ACYP2: variants seen among roughly 807,000 people sequenced by gnomAD.
ACYP2 encodes the protein acylphosphatase-2.
Under a neutral mutation model 11.2 loss-of-function variants are expected in ACYP2, and 12 were observed. That is an observed-to-expected ratio of 1.08 (90% CI 0.69 to 1.74). The LOEUF (loss-of-function observed/expected upper bound fraction) is 1.74, where lower values mean the gene tolerates loss of function less well. Among genes scored for constraint, ACYP2 ranks in the 40% most tolerant of loss-of-function variants. The pLI, the probability that ACYP2 is intolerant of heterozygous loss-of-function variation, is 0.00. For synonymous variants in ACYP2, 43 were observed against 32.2 expected (o/e 1.33, Z -1.13); for missense variants, 134 against 101.9 (o/e 1.31, Z -1.35).
chr2:54,252,965 T>G (rs1481273413), intron 6 of ACYP2, among the ~76,000 whole-genome samples: 1 of 151,838 alleles, frequency 6.6e-6, no homozygotes, highest in Admixed American at 6.6e-5. Flanking sequence ...TCACAAGCAC[T>G]TCCACTCTTT....
At chr2:54,004,837 G>T (rs1672977696) in intron 2 of ACYP2, among the ~76,000 whole-genome samples, 1 of 146,388 alleles carries the variant, frequency 6.8e-6, no homozygotes, top group Admixed American at 6.9e-5. Context: ...AGAGGTTGCA[G>T]TGAGCCGAGA....
intron 6 of ACYP2, among the ~76,000 whole-genome samples, chr2:54,156,722 G>T (rs1682450611): frequency 6.6e-6 from 1 of 152,150 alleles, no homozygotes; most frequent in Non-Finnish European, 1.5e-5. Context: ...CTGTAGTGCA[G>T]GGGTATGATC....
intron 4 of ACYP2, among the ~76,000 whole-genome samples, chr2:54,071,952 A>G (rs944868536): frequency 6.6e-6 from 1 of 152,096 alleles, no homozygotes; most frequent in Non-Finnish European, 1.5e-5. Context: ...CGGAGGTTGC[A>G]GTGAGCTGAG....
intron 4 of ACYP2, among the ~76,000 whole-genome samples, chr2:54,086,975 C>T (rs1345228662): frequency 6.6e-6 from 1 of 152,174 alleles, no homozygotes; most frequent in Non-Finnish European, 1.5e-5. Flanking sequence ...CCATAGGATA[C>T]CCAGATCTAC....
Position 53,973,781 on chromosome 2 carries a change from C to T in ACYP2, c.33C>T (p.Leu11=), listed in dbSNP as rs574485736. ...TCACACAAAGCCTGTTTGGTGGTCTCTTCCCACGGACGCGCGAGACAATGA... is the reference window on the plus strand; with the variant it reads ...TCACACAAAGCCTGTTTGGTGGTCTTTTCCCACGGACGCGCGAGACAATGA... Residue 11 remains leucine, a synonymous_variant, in exon 2 of 7, where the codon CTC becomes CTT. Transcript: ENST00000607452. 6 of 348,508 alleles carry T rather than the reference C, an allele frequency of 1.7e-5. No individual in the cohort carries two copies. The highest frequency in any genetic ancestry group is 1.1e-4 in the African/African-American group (5 of 46,972). The allele number at this position is 348,508 out of a possible 1,614,324, so 21.6% of individuals were successfully genotyped here.
At chr2:54,096,348 AC>A (rs1251185533) in intron 4 of ACYP2, among the ~76,000 whole-genome samples, 33 of 141,302 alleles carry the variant, frequency 2.3e-4, no homozygotes, top group East Asian at 2.3e-4. Flanking sequence ...CACTTTCCAG[AC>A]TGGGCAGCCA....
intron 6 of ACYP2, among the ~76,000 whole-genome samples, chr2:54,232,172 G>A (rs192063525): frequency 4.6e-5 from 7 of 152,132 alleles, no homozygotes; most frequent in South Asian, 2.1e-4. Flanking sequence ...ATTCTTCACC[G>A]GGTTCTATCT....
chr2:54,054,194 A>G (rs909048310), intron 3 of ACYP2, among the ~76,000 whole-genome samples: 10 of 152,238 alleles, frequency 6.6e-5, no homozygotes, highest in African/African-American at 2.4e-4. Flanking sequence ...TCTGCCTACA[A>G]TGGAATAAGA....
intron 4 of ACYP2, among the ~76,000 whole-genome samples, chr2:54,098,956 T>TG (rs1291936608): frequency 6.6e-6 from 1 of 152,124 alleles, no homozygotes; most frequent in Non-Finnish European, 1.5e-5. Flanking sequence ...CTCAAACTCC[T>TG]GAGCTCAACA....
chr2:54,287,130 G>C (rs1689110946), intron 6 of ACYP2, among the ~76,000 whole-genome samples: 1 of 151,968 alleles, frequency 6.6e-6, no homozygotes, highest in African/African-American at 2.4e-5. Context: ...AGTTCTGGAG[G>C]CTTGGATGTC....
intron 6 of ACYP2, among the ~76,000 whole-genome samples, chr2:54,186,745 C>T (rs1684020746): frequency 6.6e-6 from 1 of 151,980 alleles, no homozygotes; most frequent in Non-Finnish European, 1.5e-5. Context: ...AATTCCTGAC[C>T]TCAGGTGATC....
intron 4 of ACYP2, among the ~76,000 whole-genome samples, chr2:54,124,298 G>A (rs2103748684): frequency 6.6e-6 from 1 of 152,138 alleles, no homozygotes; most frequent in Non-Finnish European, 1.5e-5. Context: ...AGGTTCAAGT[G>A]ATTATCCTGC....
At chr2:53,972,043 C>T (rs1476534811) in intron 1 of ACYP2, among the ~76,000 whole-genome samples, 1 of 152,252 alleles carries the variant, frequency 6.6e-6, no homozygotes, top group Non-Finnish European at 1.5e-5. Context: ...GGCGCAGTGG[C>T]TCACGCCTGT....
rs183234524 is a variant in ACYP2, at chr2:54,203,109, G to C, written c.404+64361G>C. The stretch of plus-strand genomic sequence containing the variant: ...TCTTCCACTTCATAAGCTTGGGATT[G>C]TCTTTTTATTTATTTAGATCTTTTT... On this transcript the variant is annotated intron_variant, in intron 6 of 6. Coordinates refer to ENST00000607452, the MANE Select transcript of ACYP2 (RefSeq NM_001320586.2). 3.3e-5 allele frequency among the ~76,000 whole-genome samples: 5 copies of C among 152,116 alleles called. No homozygotes were observed. In the East Asian group the frequency reaches 9.7e-4, roughly 29 times the overall value.
intron 4 of ACYP2, among the ~76,000 whole-genome samples, chr2:54,133,701 C>A (rs912750294): frequency 6.6e-6 from 1 of 152,184 alleles, no homozygotes; most frequent in East Asian, 1.9e-4. Context: ...GACTTGAGAT[C>A]TGTTATTTAG....
chr2:54,172,568 T>C (rs1330393199), intron 6 of ACYP2, among the ~76,000 whole-genome samples: 2 of 152,154 alleles, frequency 1.3e-5, no homozygotes, highest in Non-Finnish European at 2.9e-5. Flanking sequence ...TGTGGATGAG[T>C]AGAATAAATT....
chr2:53,984,667 T>C (rs1028891381), intron 2 of ACYP2, among the ~76,000 whole-genome samples: 1 of 150,748 alleles, frequency 6.6e-6, no homozygotes, highest in African/African-American at 2.4e-5. Context: ...ATGTAGTATG[T>C]ATATAAAATA....
intron 6 of ACYP2, among the ~76,000 whole-genome samples, chr2:54,201,636 C>CTTTCTTTCTCTCTTTCTT (rs59874821): frequency 1.1e-5 from 1 of 93,660 alleles, no homozygotes; most frequent in African/African-American, 4.3e-5. Context: ...TTCTTTCTTT[C>CTTTCTTTCTCTCTTTCTT]TCTTTCTTTC....
intron 6 of ACYP2, chr2:54,254,810 G>T: frequency 3.6e-6 from 4 of 1,110,878 alleles, no homozygotes; most frequent in Non-Finnish European, 5.1e-6. Flanking sequence ...GAGGGTACAG[G>T]AAAGTCAGAA....
Sources: gnomAD v4.1 joint callset for allele counts (sites outside exome capture counted in the v4.1 genomes callset) on GRCh38, gnomAD v4.1.1 for gene constraint, MANE v1.5 for transcripts, NCBI Gene and HGNC (gene_info 2026-07-23, HGNC 2026-07-21) for gene names.